Variants in CLCN1 observed in about 807,000 individuals in gnomAD.
The protein encoded by CLCN1 is chloride voltage-gated channel 1, also known as chloride channel protein 1.
Under a neutral mutation model 114.5 loss-of-function variants are expected in CLCN1, and 100 were observed. The ratio of observed to expected loss-of-function variants is 0.87; its 90% CI spans 0.74 to 1.03. CLCN1 has a LOEUF of 1.03. Ranked by LOEUF, CLCN1 falls within the 50% of genes least tolerant of loss-of-function variation. CLCN1 has a pLI of 0.00. For missense variants in CLCN1, 1,188 were observed against 1,250.0 expected (o/e 0.95, Z 0.75); for synonymous variants, 485 against 487.1 (o/e 1.00, Z 0.06).
Position 143,321,457 on chromosome 7 carries a change from G to A in CLCN1, c.526G>A (p.Ala176Thr), listed in dbSNP as rs774277408. 5.0e-6 allele frequency: 8 copies of A among 1,613,956 alleles called. No individual in the cohort carries two copies. Among genetic ancestry groups the A allele is most frequent in the East Asian group, 2.2e-5 (1 of 44,872 alleles). ...CCCACTAGTCCTCATCCTCTTCAGCGCCCTCTTCTGCCACCTCATCTCTCC... is the reference window on the plus strand; with the variant it reads ...CCCACTAGTCCTCATCCTCTTCAGCACCCTCTTCTGCCACCTCATCTCTCC... Reference protein sequence around the residue: ...TFPLVLILFSALFCHLISPQA... With the variant: ...TFPLVLILFSTLFCHLISPQA... The change falls in exon 4 of 23, where the codon GCC becomes ACC. Residue 176 changes from alanine (A) to threonine (T), a missense_variant. Ala to Thr is a moderately conservative substitution (Grantham distance 58). Coordinates refer to ENST00000343257, the MANE Select transcript of CLCN1 (RefSeq NM_000083.3). The surrounding 1 kb of genome is among the most constrained non-coding windows in gnomAD (Gnocchi z 4.2).
At chr7:143,351,208 C>T (rs1803389654) in intron 22 of CLCN1, among the ~76,000 whole-genome samples, 1 of 151,860 alleles carries the variant, frequency 6.6e-6, no homozygotes, top group Admixed American at 6.6e-5. Flanking sequence ...ATGGGGCCCA[C>T]GTGATCTTCT....
At chr7:143,332,284 T>C (rs1286084216) in intron 10 of CLCN1, 135 bp from the exon 11 acceptor site, 3 of 807,878 alleles carry the variant, frequency 3.7e-6, no homozygotes, top group Non-Finnish European at 6.5e-6. Context: ...ATTGGTTTTT[T>C]GTGTGAAGAG....
intron 16 of CLCN1, among the ~76,000 whole-genome samples, chr7:143,343,334 A>G (rs1337683427): frequency 1.5e-4 from 23 of 152,234 alleles, no homozygotes; most frequent in Admixed American, 1.4e-3. Flanking sequence ...AACACAAAGC[A>G]CAAAAATGCA....
chr7:143,330,689 G>T (rs762109111), intron 7 of CLCN1, 83 bp from the exon 8 acceptor site: 2 of 1,587,836 alleles, frequency 1.3e-6, no homozygotes, highest in African/African-American at 2.7e-5. Context: ...TTCAGCAAAA[G>T]CTCCTTAGGT....
Position 143,339,298 on chromosome 7 carries a change from G to A in CLCN1, c.1447G>A (p.Gly483Ser), listed in dbSNP as rs756345166. Residue 483 changes from glycine (G) to serine (S), a missense_variant, in exon 13 of 23, where the codon GGC becomes AGC. Gly to Ser is a moderately conservative substitution (Grantham distance 56, BLOSUM62 0). Coordinates refer to ENST00000343257, the MANE Select transcript of CLCN1 (RefSeq NM_000083.3). This position sits in a 1 kb window ranked among gnomAD's most constrained non-coding sequence, Gnocchi z 4.1. ...VATTMPIPCG[G>S]FMPVFVLGAA... is the part of the protein sequence containing the mutation. The stretch of plus-strand genomic sequence containing the variant: ...CACCACTATGCCCATACCCTGCGGA[G>A]GCTTCATGCCTGTGTTTGTGCTAGG... 1.2e-5 allele frequency: 20 copies of A among 1,613,038 alleles called. No homozygotes were observed. The highest frequency in any genetic ancestry group is 1.6e-5 in the Non-Finnish European group (19 of 1,179,044).
intron 16 of CLCN1, 70 bp from the exon 17 acceptor site, chr7:143,345,451 A>G (rs1803203502): frequency 2.7e-6 from 4 of 1,464,370 alleles, no homozygotes; most frequent in Non-Finnish European, 3.6e-6. Context: ...GTTCCTTCTC[A>G]GGAGTGCGGA....
rs202172391 is a variant in CLCN1 at position 143,351,994 on chromosome 7, C to A, written c.*29C>A. 2.8e-4 allele frequency: 445 copies of A among 1,612,088 alleles called. No individual in the cohort carries two copies. The highest frequency in any genetic ancestry group is 3.6e-4 in the Non-Finnish European group (423 of 1,180,014). On this transcript the variant is annotated 3_prime_UTR_variant, in exon 23 of 23. Coordinates refer to ENST00000343257, the MANE Select transcript of CLCN1 (RefSeq NM_000083.3). Reference sequence around the variant, plus strand: ...CCTCCCACGACCTCCTCATAAAGACCGTGGAGAGGCCCAGCCTGAGGGTGA... The same window carrying A: ...CCTCCCACGACCTCCTCATAAAGACAGTGGAGAGGCCCAGCCTGAGGGTGA...
At chr7:143,319,704 A>AT (rs773073006) in intron 1 of CLCN1, 51 bp from the exon 2 acceptor site, 6 of 1,602,430 alleles carry the variant, frequency 3.7e-6, no homozygotes, top group East Asian at 2.2e-5. Flanking sequence ...TCTGTCTATT[A>AT]TTTTTTTAGT....
chr7:143,350,450 C>A lies in CLCN1; in HGVS notation c.2482C>A (p.Leu828Met), dbSNP rs780637101. 3.1e-6 allele frequency: 5 copies of A among 1,614,124 alleles called. No homozygotes were observed. In the South Asian group the frequency reaches 5.5e-5, roughly 18 times the overall value. ...CTGTATTGACCAGTCTCCCTTCCAG[C>A]TGGTGGAGCAGACAACCCTGCACAA... ...SCCIDQSPFQLVEQTTLHKTH... is the reference protein window; with the variant it reads ...SCCIDQSPFQMVEQTTLHKTH... Residue 828 changes from leucine (L) to methionine (M), a missense_variant, in exon 21 of 23, where the codon CTG becomes ATG. Transcript: ENST00000343257. This position sits in a 1 kb window ranked among gnomAD's most constrained non-coding sequence, Gnocchi z 5.1.
At chr7:143,342,171 G>C (rs1403951523) in intron 15 of CLCN1, 29 bp downstream of exon 15, 1 of 1,601,904 alleles carries the variant, frequency 6.2e-7, no homozygotes, top group Admixed American at 1.7e-5. Context: ...AATTAGTTCA[G>C]ATCTGATGGG....
At position 143,339,424 on chromosome 7, in the gene CLCN1, T is replaced by A. The variant is rs1234626485; in HGVS notation, c.1472-87T>A. 7.3e-7 allele frequency: 1 copy of A among 1,377,006 alleles called. No homozygotes were observed. The highest frequency in any genetic ancestry group is 1.7e-5 in the Admixed American group (1 of 59,608). The allele number at this position is 1,377,006 out of a possible 1,614,324, so 85.3% of individuals were successfully genotyped here. ...GATGCTGGGAGTTTATATTTGTTCT[T>A]AATGCCCAAGGAGAGATTGGTTCTG... On this transcript the variant is annotated intron_variant, in intron 13 of 22. Coordinates refer to ENST00000343257, the MANE Select transcript of CLCN1 (RefSeq NM_000083.3). This position sits in a 1 kb window ranked among gnomAD's most constrained non-coding sequence, Gnocchi z 4.1.
At chr7:143,320,891 T>A (rs1802412212) in intron 3 of CLCN1, 96 bp downstream of exon 3, 1 of 1,452,608 alleles carries the variant, frequency 6.9e-7, no homozygotes, top group Non-Finnish European at 9.6e-7. Context: ...AAGCAGGGTG[T>A]GTTATGGGAA....
At chr7:143,336,841 T>C (rs1802917210) in intron 12 of CLCN1, among the ~76,000 whole-genome samples, 1 of 152,178 alleles carries the variant, frequency 6.6e-6, no homozygotes, top group Admixed American at 6.5e-5. Context: ...CTTACACATA[T>C]CTTGGAGGAT....
Position 143,324,628 on chromosome 7 carries a change from G to C in CLCN1, c.853+136G>C, listed in dbSNP as rs1802532556. The C allele has an allele frequency of 2.7e-6, 2 of 735,054 alleles. No homozygotes were observed. The highest frequency in any genetic ancestry group is 2.0e-5 in the Admixed American group (1 of 50,096). 45.5% of individuals were successfully genotyped at this position (735,054 alleles called of 1,614,324 possible). On this transcript the variant is annotated intron_variant, in intron 7 of 22. Transcript: ENST00000343257. This position sits in a 1 kb window ranked among gnomAD's most constrained non-coding sequence, Gnocchi z 4.6. ...CTGACTTTTAGTAAGCCTTTGCTAT[G>C]TGCCAGGCAATGTTTAAAGCACTTA... is the stretch of plus-strand genomic sequence containing the variant.
chr7:143,344,781 G>A (rs564273045), intron 16 of CLCN1, among the ~76,000 whole-genome samples: 3 of 130,780 alleles, frequency 2.3e-5, no homozygotes, highest in South Asian at 4.7e-4. Flanking sequence ...ATGAAATCTC[G>A]CTCTTGTCGC....
chr7:143,351,152 C>A (rs1264799759), intron 22 of CLCN1, among the ~76,000 whole-genome samples: 4 of 151,994 alleles, frequency 2.6e-5, no homozygotes, highest in African/African-American at 4.8e-5. Flanking sequence ...GACTACGAAG[C>A]CTGTTATGGC....
At chr7:143,332,549 T>C (rs763329100) in intron 11 of CLCN1, 46 bp downstream of exon 11, 2 of 1,545,368 alleles carry the variant, frequency 1.3e-6, no homozygotes, top group African/African-American at 2.7e-5. Context: ...ACAGCACAGA[T>C]ATACCTCAGG....
chr7:143,346,953 A>C lies in CLCN1; in HGVS notation c.2403+4A>C, dbSNP rs372826693. 45 of 1,612,758 alleles carry C rather than the reference A, an allele frequency of 2.8e-5. No individual in the cohort carries two copies. The African/African-American group carries it at 5.5e-4, about 20-fold the overall frequency. Reference sequence around the variant, plus strand: ...GGATAACATGTCACCTGAAGAGGTGAGTAAGGGAAATGGAAACCTGGGGTG... The same window carrying C: ...GGATAACATGTCACCTGAAGAGGTGCGTAAGGGAAATGGAAACCTGGGGTG... On this transcript the variant is annotated splice_donor_region_variant and intron_variant, in intron 20 of 22. Transcript: ENST00000343257.
At chr7:143,318,423 A>G (rs966180601) in intron 1 of CLCN1, among the ~76,000 whole-genome samples, 2 of 152,134 alleles carry the variant, frequency 1.3e-5, no homozygotes, top group African/African-American at 4.8e-5. Context: ...AGGTTTCTCC[A>G]TGTTGGTCAG....
Sources: allele counts gnomAD v4.1 joint callset (sites outside exome capture counted in the v4.1 genomes callset), GRCh38; gene constraint gnomAD v4.1.1; non-coding constraint Gnocchi (gnomAD v3.1); transcripts MANE v1.5; gene names NCBI Gene and HGNC (gene_info 2026-07-23, HGNC 2026-07-21).